Variants in ICOS observed in about 807,000 individuals in gnomAD.
ICOS encodes inducible T cell costimulator.
ICOS carries 15 observed loss-of-function variants against 24.6 expected under a neutral mutation model. That is an observed-to-expected ratio of 0.61 (90% CI 0.41 to 0.94). The LOEUF is 0.94. ICOS is among the 40% of genes least tolerant of loss of function. ICOS has a pLI of 0.00. For synonymous variants in ICOS, 89 were observed against 77.5 expected, an observed-to-expected ratio of 1.15 and a Z score of -0.78; for missense variants, 200 against 233.0, an observed-to-expected ratio of 0.86 and a Z score of 0.92.
intron 1 of ICOS, among the ~76,000 whole-genome samples, chr2:203,951,141 G>T (rs530996963): frequency 2.6e-5 from 4 of 151,958 alleles, no homozygotes; most frequent in Admixed American, 6.6e-5. Context: ...CTCTCAACAT[G>T]CCATTCAAGA....
At chr2:203,953,242 T>C (rs1192123412) in intron 1 of ICOS, among the ~76,000 whole-genome samples, 1 of 152,172 alleles carries the variant, frequency 6.6e-6, no homozygotes, top group African/African-American at 2.4e-5. Flanking sequence ...AAACAAAAGT[T>C]TGAATTTGAA....
chr2:203,944,662 A>AT (rs906083036), intron 1 of ICOS, among the ~76,000 whole-genome samples: 7 of 152,196 alleles, frequency 4.6e-5, no homozygotes, highest in African/African-American at 1.4e-4. Flanking sequence ...AGGTCCTGGG[A>AT]TTTTTTAGGC....
chr2:203,939,013 G>A (rs1689716371), intron 1 of ICOS, among the ~76,000 whole-genome samples: 1 of 152,206 alleles, frequency 6.6e-6, no homozygotes, highest in South Asian at 2.1e-4. Flanking sequence ...AGTAAACTAA[G>A]TACTTGCTTG....
At chr2:203,951,487 G>C (rs912215382) in intron 1 of ICOS, among the ~76,000 whole-genome samples, 1 of 152,150 alleles carries the variant, frequency 6.6e-6, no homozygotes, top group African/African-American at 2.4e-5. Context: ...ACAGAGCCTT[G>C]CTAGTGGCAG....
rs573050865 is a variant in ICOS, at chr2:203,950,581, A to T, written c.59-5055A>T. Among the ~76,000 whole-genome samples, 14 of 152,360 alleles carry T rather than the reference A, an allele frequency of 9.2e-5. No individual in the cohort carries two copies. The South Asian group carries it at 2.3e-3, about 25-fold the overall frequency. ...TTCTATATCTGCCAAAATAGTTATG[A>T]AATAATTAATTAAATGCTATAGTTA... On this transcript the variant is annotated intron_variant, in intron 1 of 4. Coordinates refer to ENST00000316386, the MANE Select transcript of ICOS (RefSeq NM_012092.4).
At chr2:203,949,801 T>A (rs1271309046) in intron 1 of ICOS, among the ~76,000 whole-genome samples, 1 of 152,134 alleles carries the variant, frequency 6.6e-6, no homozygotes, top group African/African-American at 2.4e-5. Context: ...CCAAATAGAT[T>A]TGACACCTTA....
chr2:203,941,424 G>C (rs1689773880), intron 1 of ICOS, among the ~76,000 whole-genome samples: 1 of 152,000 alleles, frequency 6.6e-6, no homozygotes, highest in African/African-American at 2.4e-5. Context: ...AGGCATGTAG[G>C]GGGGACTGAA....
At chr2:203,943,953 A>G (rs571961083) in intron 1 of ICOS, among the ~76,000 whole-genome samples, 44 of 152,236 alleles carry the variant, frequency 2.9e-4, no homozygotes, top group African/African-American at 1.0e-3. Context: ...TCTCATCCAG[A>G]TCCCATGCAA....
At chr2:203,939,323 G>A (rs1689722370) in intron 1 of ICOS, among the ~76,000 whole-genome samples, 1 of 152,074 alleles carries the variant, frequency 6.6e-6, no homozygotes, top group Non-Finnish European at 1.5e-5. Context: ...TGGGAATCTT[G>A]CTGATTTCTA....
chr2:203,937,510 T>G (rs1689676637), intron 1 of ICOS, among the ~76,000 whole-genome samples: 2 of 152,212 alleles, frequency 1.3e-5, no homozygotes, highest in Non-Finnish European at 2.9e-5. Context: ...AGACTCTATA[T>G]GGACAATTTA....
In ICOS at chr2:203,955,658, T is replaced by G; in HGVS notation, c.81T>G (p.Asn27Lys). The G allele has an allele frequency of 6.2e-7, 1 of 1,612,962 alleles. No homozygotes were observed. The highest frequency in any genetic ancestry group is 8.5e-7 in the Non-Finnish European group (1 of 1,179,004). ...CAGGAGAAATCAATGGTTCTGCCAA[T>G]TATGAGATGTTTATATTTCACAACG... ...VLTGEINGSA[N>K]YEMFIFHNGG... Residue 27 changes from asparagine (N) to lysine (K), a missense_variant, in exon 2 of 5, where the codon AAT (asparagine) becomes AAG (lysine). Coordinates refer to ENST00000316386, the MANE Select transcript of ICOS (RefSeq NM_012092.4).
At chr2:203,937,288 GA>G (rs1229475626) in intron 1 of ICOS, among the ~76,000 whole-genome samples, 1 of 152,142 alleles carries the variant, frequency 6.6e-6, no homozygotes, top group African/African-American at 2.4e-5. Flanking sequence ...GGAAGTCTTT[GA>G]AAAGAAGGAT....
At chr2:203,944,802 A>C (rs1490189005) in intron 1 of ICOS, among the ~76,000 whole-genome samples, 2 of 152,238 alleles carry the variant, frequency 1.3e-5, no homozygotes, top group Non-Finnish European at 2.9e-5. Context: ...GGAGCATAGA[A>C]ATAAGAGTCT....
At chr2:203,950,830 G>T (rs946811075) in intron 1 of ICOS, among the ~76,000 whole-genome samples, 5 of 152,154 alleles carry the variant, frequency 3.3e-5, no homozygotes, top group African/African-American at 4.8e-5. Context: ...GGGAGGCCAA[G>T]GTGGGCGGAT....
chr2:203,940,521 A>G (rs1000000534), intron 1 of ICOS, among the ~76,000 whole-genome samples: 1 of 152,098 alleles, frequency 6.6e-6, no homozygotes, highest in Non-Finnish European at 1.5e-5. Flanking sequence ...TTTTACCTTG[A>G]TGAGTGACTG....
intron 1 of ICOS, among the ~76,000 whole-genome samples, chr2:203,941,247 CTT>C (rs1156791715): frequency 2.0e-5 from 3 of 152,028 alleles, no homozygotes; most frequent in Non-Finnish European, 4.4e-5. Flanking sequence ...AGAAATGTCT[CTT>C]ATTCTTATGT....
intron 1 of ICOS, among the ~76,000 whole-genome samples, chr2:203,946,974 G>A (rs1689882036): frequency 6.6e-6 from 1 of 152,174 alleles, no homozygotes; most frequent in South Asian, 2.1e-4. Context: ...TTCTTTAAAT[G>A]TTTCCTCCAG....
intron 1 of ICOS, among the ~76,000 whole-genome samples, chr2:203,941,685 T>C (rs1268692714): frequency 1.3e-5 from 2 of 152,238 alleles, no homozygotes; most frequent in Non-Finnish European, 2.9e-5. Flanking sequence ...TCAGTACTAC[T>C]GCTGTTCTAA....
In ICOS at chr2:203,957,853, G is replaced by A; in HGVS notation, c.556G>A (p.Val186Met). 1.9e-6 allele frequency: 3 copies of A among 1,612,822 alleles called. No individual in the cohort carries two copies. The highest frequency in any genetic ancestry group is 2.5e-6 in the Non-Finnish European group (3 of 1,178,900). Residue 186 changes from valine (V) to methionine (M), a missense_variant, in exon 4 of 5, where the codon GTG becomes ATG. Coordinates refer to ENST00000316386, the MANE Select transcript of ICOS (RefSeq NM_012092.4). ...CGGTGAATACATGTTCATGAGAGCA[G>A]TGAACACAGCCAAAAAATCTAGACT... ...PNGEYMFMRA[V>M]NTAKKSRLTD... is the part of the protein sequence containing the mutation.
Sources: allele counts gnomAD v4.1 joint callset (sites outside exome capture counted in the v4.1 genomes callset), GRCh38; gene constraint gnomAD v4.1.1; transcripts MANE v1.5; gene names NCBI Gene and HGNC (gene_info 2026-07-23, HGNC 2026-07-21).